Variants in PPP1R12B observed in about 807,000 individuals in gnomAD.
The protein encoded by PPP1R12B is myosin phosphatase target subunit 2.
In PPP1R12B, 76 loss-of-function variants were observed where a neutral mutation model predicts 126.1. The observed-to-expected ratio is 0.60, with a 90% CI of 0.50 to 0.73. PPP1R12B has a LOEUF of 0.73. Ranked by LOEUF, PPP1R12B falls within the 30% of genes least tolerant of loss-of-function variation. PPP1R12B has a pLI of 0.00. For missense variants in PPP1R12B, 1,052 were observed against 1,205.1 expected (o/e 0.87, Z 1.88); for synonymous variants, 356 against 434.7 (o/e 0.82, Z 2.25).
In PPP1R12B at chr1:202,349,105, ACAC is replaced by A. The variant is rs750729323; in HGVS notation, c.255_257del (p.Asn85_Thr86delinsLys). ...CTTCTGGCAAGAGGTGCTGATATCAACACGGTCAACGTGGACGGCTTGACAGCC... is the reference window on the plus strand; with the variant it reads ...CTTCTGGCAAGAGGTGCTGATATCAAGGTCAACGTGGACGGCTTGACAGCC... On this transcript the variant is annotated inframe_deletion, in exon 1 of 24. Coordinates refer to ENST00000608999, the MANE Select transcript of PPP1R12B (RefSeq NM_002481.4). 6.2e-7 allele frequency: 1 copy of A among 1,614,106 alleles called. No individual in the cohort carries two copies. Among genetic ancestry groups the A allele is most frequent in the Non-Finnish European group, 8.5e-7 (1 of 1,180,042 alleles).
chr1:202,441,321 T>G (rs1445429090), intron 11 of PPP1R12B, among the ~76,000 whole-genome samples: 93 of 152,290 alleles, frequency 6.1e-4, no homozygotes, highest in African/African-American at 2.0e-3. Flanking sequence ...CATTTTATTT[T>G]TATTAAAAAT....
chr1:202,475,558 G>C (rs192390653), intron 13 of PPP1R12B, among the ~76,000 whole-genome samples: 2 of 152,292 alleles, frequency 1.3e-5, no homozygotes, highest in Non-Finnish European at 2.9e-5. Flanking sequence ...AGTGTTCATT[G>C]TGGTGCAATA....
At chr1:202,578,506 C>T (rs750334019) in intron 23 of PPP1R12B, among the ~76,000 whole-genome samples, 140 of 152,222 alleles carry the variant, frequency 9.2e-4, no homozygotes, top group Non-Finnish European at 1.5e-3. Flanking sequence ...GATAGAGGAA[C>T]GAAGGAGAGG....
At chr1:202,378,893 ATCC>A (rs1243876759) in intron 1 of PPP1R12B, among the ~76,000 whole-genome samples, 2 of 151,696 alleles carry the variant, frequency 1.3e-5, no homozygotes, top group South Asian at 2.1e-4. Flanking sequence ...TTCCCCTCAG[ATCC>A]TCTTCTTACC....
chr1:202,512,390 G>A (rs1260417887), intron 18 of PPP1R12B, among the ~76,000 whole-genome samples: 1 of 152,192 alleles, frequency 6.6e-6, no homozygotes, highest in Non-Finnish European at 1.5e-5. Flanking sequence ...AGGATTTGAT[G>A]TTTTACTAGA....
chr1:202,349,301 A>G (rs1024333538), intron 1 of PPP1R12B, among the ~76,000 whole-genome samples, 159 bp downstream of exon 1: 3 of 152,020 alleles, frequency 2.0e-5, no homozygotes, highest in African/African-American at 7.2e-5. Context: ...AGCTTCCTCC[A>G]CTAATCAAGT....
At chr1:202,367,504 A>T (rs1033766523) in intron 1 of PPP1R12B, among the ~76,000 whole-genome samples, 7 of 152,166 alleles carry the variant, frequency 4.6e-5, no homozygotes, top group African/African-American at 1.7e-4. Context: ...TGTTCAACCC[A>T]TTCCAGTCAC....
intron 13 of PPP1R12B, among the ~76,000 whole-genome samples, chr1:202,484,234 A>G (rs1001320363): frequency 3.3e-5 from 5 of 151,918 alleles, no homozygotes; most frequent in Non-Finnish European, 1.5e-5. Flanking sequence ...GGTTTTCTGT[A>G]GTGCTGAGCT....
rs190157882 is a variant in PPP1R12B, at chr1:202,580,275, T to C, written c.2863-199T>C. Among the ~76,000 whole-genome samples, 546 of 152,328 alleles carry C rather than the reference T, an allele frequency of 3.6e-3. 5 individuals carry two copies. Among genetic ancestry groups the C allele is most frequent in the Non-Finnish European group, 3.2e-3 (219 of 68,030 alleles). On this transcript the variant is annotated intron_variant, in intron 23 of 23. Transcript: ENST00000608999. ...AGCTCAAAAGATGGAGTGGCTATAA[T>C]CTCCCTAAAGATTAACATTACCAAC...
intron 1 of PPP1R12B, among the ~76,000 whole-genome samples, chr1:202,365,115 A>C (rs767065594): frequency 6.6e-6 from 1 of 152,200 alleles, no homozygotes; most frequent in Non-Finnish European, 1.5e-5. Context: ...AGCTTTTGCA[A>C]ATATTTTAAC....
intron 1 of PPP1R12B, among the ~76,000 whole-genome samples, chr1:202,379,414 C>T (rs576519030): frequency 2.0e-5 from 3 of 152,274 alleles, no homozygotes; most frequent in Admixed American, 1.3e-4. Flanking sequence ...TGATGCTTAT[C>T]CAAGTTTGGA....
chr1:202,520,227 G>A (rs1396408772), intron 18 of PPP1R12B, among the ~76,000 whole-genome samples: 1 of 152,124 alleles, frequency 6.6e-6, no homozygotes, highest in Non-Finnish European at 1.5e-5. Context: ...GAAAACCTGG[G>A]GCCCAAAAGA....
chr1:202,388,421 G>A (rs1187093192), intron 1 of PPP1R12B, among the ~76,000 whole-genome samples: 5 of 152,278 alleles, frequency 3.3e-5, no homozygotes, highest in East Asian at 1.9e-4. Flanking sequence ...GGCCAGGCTG[G>A]TCTTGAACTC....
Position 202,564,143 on chromosome 1 carries a change from C to CA in PPP1R12B, c.2653-291dup, listed in dbSNP as rs199682294. On this transcript the variant is annotated intron_variant, in intron 20 of 23. Coordinates refer to ENST00000608999, the MANE Select transcript of PPP1R12B (RefSeq NM_002481.4). ...ATCAATATACACAGTAGACTGGTTC[C>CA]AAAAAAAAATTGTCTTTTTCATTGC... Among the ~76,000 whole-genome samples the CA allele has an allele frequency of 1.8e-3, 265 of 150,878 alleles. 3 individuals are homozygous for CA. The highest frequency in any genetic ancestry group is 3.1e-3 in the Admixed American group (47 of 15,176).
intron 18 of PPP1R12B, among the ~76,000 whole-genome samples, chr1:202,553,653 A>T (rs900727624): frequency 6.6e-6 from 1 of 152,204 alleles, no homozygotes; most frequent in Non-Finnish European, 1.5e-5. Flanking sequence ...TTGCCAGAGC[A>T]TAGATAAGAT....
chr1:202,468,343 T>C (rs1675338692), intron 13 of PPP1R12B, among the ~76,000 whole-genome samples: 1 of 152,130 alleles, frequency 6.6e-6, no homozygotes, highest in African/African-American at 2.4e-5. Flanking sequence ...TCTTCTAGGG[T>C]TTTTATGGTT....
Position 202,581,996 on chromosome 1 carries a change from G to T in PPP1R12B, c.*1436G>T, listed in dbSNP as rs992849874. ...AGCTTTCACCCATGGGCATGGTCAG[G>T]TAGCCTCTGGTGGCTATGCATTTAT... On this transcript the variant is annotated 3_prime_UTR_variant, in exon 24 of 24. Transcript: ENST00000608999. The T allele has an allele frequency of 6.6e-6, 1 of 152,184 alleles. No homozygotes were observed. The allele number at this position is 152,184 out of a possible 1,614,324, so 9.4% of individuals were successfully genotyped here.
chr1:202,452,087 C>T (rs1195957115), intron 13 of PPP1R12B, among the ~76,000 whole-genome samples: 22 of 151,768 alleles, frequency 1.4e-4, no homozygotes, highest in Admixed American at 7.9e-4. Flanking sequence ...GGCAGAGGCG[C>T]TCCCCACATC....
chr1:202,502,176 C>T, intron 18 of PPP1R12B: 1 of 984,788 alleles, frequency 1.0e-6, no homozygotes. Context: ...ATCAGTAGGT[C>T]TGGATTACTA....
Sources: gnomAD v4.1 joint callset for allele counts (sites outside exome capture counted in the v4.1 genomes callset) on GRCh38, gnomAD v4.1.1 for gene constraint, MANE v1.5 for transcripts, NCBI Gene and HGNC (gene_info 2026-07-23, HGNC 2026-07-21) for gene names.